The following LDB2 variants were observed in gnomAD, a reference collection of about 807,000 sequenced individuals.
LDB2 encodes LIM domain-binding protein 2.
Under a neutral mutation model 44.3 loss-of-function variants are expected in LDB2, and 12 were observed. The observed-to-expected ratio is 0.27, with a 90% CI of 0.17 to 0.44. The LOEUF (loss-of-function observed/expected upper bound fraction) is 0.44. Among genes scored for constraint, LDB2 ranks in the 20% least tolerant of loss-of-function variants. The pLI is 1.00. For synonymous variants in LDB2, 164 were observed against 174.8 expected, an observed-to-expected ratio of 0.94 and a Z score of 0.49; for missense variants, 344 against 473.5, an observed-to-expected ratio of 0.73 and a Z score of 2.54.
At chr4:16,605,243 A>T (rs1024911229) in intron 2 of LDB2, among the ~76,000 whole-genome samples, 1 of 152,190 alleles carries the variant, frequency 6.6e-6, no homozygotes, top group African/African-American at 2.4e-5. Flanking sequence ...AAATGCTGAC[A>T]GTTATTTAAT....
chr4:16,605,114 A>G (rs191014455), intron 2 of LDB2, among the ~76,000 whole-genome samples: 377 of 152,308 alleles, frequency 2.5e-3, no homozygotes, highest in African/African-American at 7.4e-3. Flanking sequence ...ATTAAAAAGG[A>G]ACATACTTAA....
chr4:16,892,173 C>G (rs571003213), intron 1 of LDB2, among the ~76,000 whole-genome samples: 1 of 152,298 alleles, frequency 6.6e-6, no homozygotes, highest in Admixed American at 6.5e-5. Context: ...AATATGCCCA[C>G]GATACACCGT....
intron 1 of LDB2, among the ~76,000 whole-genome samples, chr4:16,773,092 A>C (rs1246739285): frequency 3.3e-5 from 5 of 152,230 alleles, no homozygotes; most frequent in Non-Finnish European, 7.3e-5. Flanking sequence ...CACATAACCA[A>C]ACGTAAGTTC....
intron 2 of LDB2, among the ~76,000 whole-genome samples, chr4:16,600,342 T>A (rs16893667): frequency 0.38 from 57,321 of 151,980 alleles, 11,249 homozygotes; most frequent in East Asian, 0.59. Flanking sequence ...TCTTCTGAAT[T>A]TTGTTGGAGT....
At chr4:16,863,417 C>T (rs1198925204) in intron 1 of LDB2, among the ~76,000 whole-genome samples, 3 of 152,138 alleles carry the variant, frequency 2.0e-5, no homozygotes. Context: ...TATTTCTTTA[C>T]TTATCACCTC....
chr4:16,812,079 C>T (rs757077457), intron 1 of LDB2, among the ~76,000 whole-genome samples: 20 of 152,206 alleles, frequency 1.3e-4, no homozygotes, highest in Non-Finnish European at 2.5e-4. Context: ...GTCTTCTATC[C>T]CGTCCTTTAT....
intron 5 of LDB2, among the ~76,000 whole-genome samples, chr4:16,578,611 TA>T (rs1194915900): frequency 6.6e-6 from 1 of 152,196 alleles, no homozygotes; most frequent in Non-Finnish European, 1.5e-5. Flanking sequence ...GGTAGGAATG[TA>T]AATTAGTGCA....
intron 1 of LDB2, among the ~76,000 whole-genome samples, chr4:16,829,206 TCA>T (rs1783609242): frequency 6.6e-6 from 1 of 152,156 alleles, no homozygotes; most frequent in Non-Finnish European, 1.5e-5. Context: ...GTGAACATGC[TCA>T]CTGGCTACCC....
intron 2 of LDB2, among the ~76,000 whole-genome samples, chr4:16,637,969 G>T (rs1001996086): frequency 1.3e-5 from 2 of 152,160 alleles, no homozygotes; most frequent in Admixed American, 6.5e-5. Context: ...TTGAGCAAGT[G>T]GCTTCACCTC....
rs949003353 is a variant in LDB2, at chr4:16,736,056, C to T, written c.235+23102G>A. Among the ~76,000 whole-genome samples, 3 of 152,180 alleles carry T rather than the reference C, an allele frequency of 2.0e-5. No homozygotes were observed. The East Asian group carries it at 5.8e-4, about 29-fold the overall frequency. On this transcript the variant is annotated intron_variant, in intron 2 of 7. Coordinates refer to ENST00000304523, the MANE Select transcript of LDB2 (RefSeq NM_001290.5). ...AGCAGCCTATGTGTACCCAGCAGCA[C>T]CAGCCATCACTGGCCAGCCCCGCCT...
chr4:16,654,319 T>C (rs1244336030), intron 2 of LDB2, among the ~76,000 whole-genome samples: 1 of 152,110 alleles, frequency 6.6e-6, no homozygotes, highest in Non-Finnish European at 1.5e-5. Context: ...GAATAGGTCA[T>C]TGCAAGCTGT....
At chr4:16,559,530 T>G (rs1364389987) in intron 5 of LDB2, among the ~76,000 whole-genome samples, 1 of 152,188 alleles carries the variant, frequency 6.6e-6, no homozygotes, top group Non-Finnish European at 1.5e-5. Flanking sequence ...CCTAAATATA[T>G]ATGCACCCAA....
At chr4:16,693,781 C>G (rs1232406726) in intron 2 of LDB2, among the ~76,000 whole-genome samples, 1 of 152,178 alleles carries the variant, frequency 6.6e-6, no homozygotes, top group Non-Finnish European at 1.5e-5. Context: ...CCTGCAAATA[C>G]ACATCTTTTT....
intron 2 of LDB2, among the ~76,000 whole-genome samples, chr4:16,658,280 C>T (rs758666765): frequency 5.3e-5 from 8 of 152,174 alleles, no homozygotes; most frequent in Non-Finnish European, 1.2e-4. Flanking sequence ...TTGAAATCAT[C>T]GCTTACAATA....
intron 1 of LDB2, among the ~76,000 whole-genome samples, chr4:16,850,390 A>G (rs549652514): frequency 3.2e-4 from 49 of 152,304 alleles, no homozygotes; most frequent in African/African-American, 8.9e-4. Flanking sequence ...TTTGATGGTT[A>G]TATCTACATT....
intron 2 of LDB2, among the ~76,000 whole-genome samples, chr4:16,702,910 C>A (rs1753791778): frequency 6.6e-6 from 1 of 152,324 alleles, no homozygotes; most frequent in Non-Finnish European, 1.5e-5. Flanking sequence ...TCTCTACCCT[C>A]ATCCATGCCC....
At chr4:16,506,765 C>T (rs967552792) in intron 7 of LDB2, 8 of 148,508 alleles carry the variant, frequency 5.4e-5, no homozygotes. Context: ...TTGTTTTTCA[C>T]CTTGGTATTG....
At chr4:16,863,908 C>T (rs934862319) in intron 1 of LDB2, among the ~76,000 whole-genome samples, 3 of 152,152 alleles carry the variant, frequency 2.0e-5, no homozygotes, top group African/African-American at 7.2e-5. Context: ...GATCCGCCCG[C>T]CTCGGCTTCC....
At chr4:16,895,169 G>A (rs76991132) in intron 1 of LDB2, among the ~76,000 whole-genome samples, 2,693 of 150,220 alleles carry the variant, frequency 0.018, 68 homozygotes, top group African/African-American at 0.063. Flanking sequence ...AAGGGACACT[G>A]TTGGTAATTT....
Sources: allele counts gnomAD v4.1 joint callset (sites outside exome capture counted in the v4.1 genomes callset), GRCh38; gene constraint gnomAD v4.1.1; transcripts MANE v1.5; gene names NCBI Gene and HGNC (gene_info 2026-07-23, HGNC 2026-07-21).